The following NRG3 variants were observed in gnomAD, a reference collection of about 807,000 sequenced individuals.
NRG3 encodes the protein pro-neuregulin-3, membrane-bound isoform.
A neutral mutation model predicts 66.9 loss-of-function variants in NRG3; 31 were observed. That is an observed-to-expected ratio of 0.46 (90% CI 0.35 to 0.63). NRG3 has a LOEUF of 0.63. NRG3 is among the 20% of genes least tolerant of loss of function. The probability of loss-of-function intolerance (pLI) is 0.00; values close to 1 mark genes in which losing one functional copy is unlikely to be tolerated. For missense variants in NRG3, 910 were observed against 878.9 expected, an observed-to-expected ratio of 1.04 and a Z score of -0.45; for synonymous variants, 393 against 359.4, an observed-to-expected ratio of 1.09 and a Z score of -1.06.
chr10:82,792,932 C>T (rs573158897), intron 3 of NRG3, among the ~76,000 whole-genome samples: 127 of 152,132 alleles, frequency 8.3e-4, no homozygotes, highest in South Asian at 6.2e-3. Context: ...CCGCCCACCT[C>T]GGCGTCCCAA....
intron 4 of NRG3, among the ~76,000 whole-genome samples, chr10:82,917,950 TTG>T (rs375123841): frequency 0.019 from 2,270 of 121,676 alleles, 80 homozygotes; most frequent in African/African-American, 0.068. Context: ...GTATGTGGGA[TTG>T]TGTGTGTGTG....
intron 1 of NRG3, among the ~76,000 whole-genome samples, chr10:82,278,440 C>T (rs149106052): frequency 6.6e-6 from 1 of 152,160 alleles, no homozygotes; most frequent in Non-Finnish European, 1.5e-5. Context: ...TACCTGGTAG[C>T]TGATTCCTGA....
chr10:82,251,892 T>A (rs910042645), intron 1 of NRG3, among the ~76,000 whole-genome samples: 1 of 151,758 alleles, frequency 6.6e-6, no homozygotes, highest in African/African-American at 2.4e-5. Flanking sequence ...CTGGCAGAGG[T>A]AAGGAGGACT....
chr10:82,620,381 G>A lies in NRG3; in HGVS notation c.954-118196G>A, dbSNP rs1039909172. 1.6e-4 allele frequency among the ~76,000 whole-genome samples: 25 copies of A among 152,250 alleles called. No individual in the cohort carries two copies. The East Asian group carries it at 3.5e-3, about 21-fold the overall frequency. On this transcript the variant is annotated intron_variant, in intron 2 of 8. Transcript: ENST00000372141. ...ATGGAGGTAGATAATTTTATTCAGC[G>A]AAGGAAATGGCTCTCGGCAGAGAGG... is the stretch of plus-strand genomic sequence containing the variant.
chr10:81,894,375 A>G (rs1229693852), intron 1 of NRG3, among the ~76,000 whole-genome samples: 3 of 152,190 alleles, frequency 2.0e-5, no homozygotes, highest in Admixed American at 1.3e-4. Flanking sequence ...TTTATTTTCT[A>G]ACATTTCTGG....
intron 2 of NRG3, among the ~76,000 whole-genome samples, chr10:82,688,327 C>T (rs2054667703): frequency 6.6e-6 from 1 of 152,164 alleles, no homozygotes; most frequent in Non-Finnish European, 1.5e-5. Flanking sequence ...TAAAGATTCT[C>T]ATATGCCTGA....
chr10:82,081,456 G>T (rs953284248), intron 1 of NRG3, among the ~76,000 whole-genome samples: 1 of 151,936 alleles, frequency 6.6e-6, no homozygotes, highest in African/African-American at 2.4e-5. Flanking sequence ...AAGTTACCTT[G>T]TTTCTTTAAC....
Position 82,323,349 on chromosome 10 carries a change from T to G in NRG3, c.824-35390T>G, listed in dbSNP as rs570865118. On this transcript the variant is annotated intron_variant, in intron 1 of 8. Transcript: ENST00000372141. The stretch of plus-strand genomic sequence containing the variant: ...ACAGTGTATGCTGGGACCTCAATAG[T>G]GTCAGCCAGGGTGGGGCTTAGTCAT... 9.2e-5 allele frequency among the ~76,000 whole-genome samples: 14 copies of G among 152,322 alleles called. No homozygotes were observed. The East Asian group carries it at 2.7e-3, about 29-fold the overall frequency.
intron 3 of NRG3, among the ~76,000 whole-genome samples, chr10:82,778,489 C>T (rs1452342116): frequency 6.6e-6 from 1 of 152,096 alleles, no homozygotes; most frequent in African/African-American, 2.4e-5. Flanking sequence ...ATGCCAGAAG[C>T]TTATAAAACC....
At chr10:82,420,092 C>G (rs547646519) in intron 2 of NRG3, among the ~76,000 whole-genome samples, 1 of 152,140 alleles carries the variant, frequency 6.6e-6, no homozygotes, top group Non-Finnish European at 1.5e-5. Context: ...CCTGAAGGAC[C>G]TGGTAGAGTA....
At chr10:82,108,980 A>AT (rs1184941627) in intron 1 of NRG3, among the ~76,000 whole-genome samples, 1 of 152,162 alleles carries the variant, frequency 6.6e-6, no homozygotes, top group Non-Finnish European at 1.5e-5. Flanking sequence ...TCTCTGGGCC[A>AT]TTACCCTTCA....
intron 2 of NRG3, among the ~76,000 whole-genome samples, chr10:82,432,241 C>T (rs1036322097): frequency 2.6e-5 from 4 of 152,022 alleles, no homozygotes; most frequent in African/African-American, 7.2e-5. Flanking sequence ...TATTTGTACC[C>T]ATTAATCAAC....
At chr10:82,828,608 A>G (rs757033091) in intron 3 of NRG3, among the ~76,000 whole-genome samples, 6 of 152,344 alleles carry the variant, frequency 3.9e-5, no homozygotes, top group Admixed American at 1.3e-4. Flanking sequence ...AAGAATGGAA[A>G]TATTCTGATT....
chr10:82,028,840 A>C (rs1211788637), intron 1 of NRG3, among the ~76,000 whole-genome samples: 2 of 152,102 alleles, frequency 1.3e-5, no homozygotes, highest in Non-Finnish European at 2.9e-5. Context: ...ATTTATGTGG[A>C]GCTCACTCAC....
At chr10:82,926,860 T>C (rs1847053420) in intron 4 of NRG3, among the ~76,000 whole-genome samples, 1 of 152,238 alleles carries the variant, frequency 6.6e-6, no homozygotes, top group African/African-American at 2.4e-5. Flanking sequence ...AGATCTGCCT[T>C]TGGATTGGAC....
At chr10:81,979,016 C>G (rs951993575) in intron 1 of NRG3, among the ~76,000 whole-genome samples, 1 of 151,982 alleles carries the variant, frequency 6.6e-6, no homozygotes, top group Admixed American at 6.5e-5. Context: ...TGATGAAACC[C>G]CGTCTCTATT....
intron 1 of NRG3, among the ~76,000 whole-genome samples, chr10:82,272,532 C>T (rs1237382574): frequency 6.6e-6 from 1 of 151,990 alleles, no homozygotes; most frequent in Non-Finnish European, 1.5e-5. Context: ...AATTTGGTGG[C>T]TATTTATGTA....
chr10:82,275,757 AT>A (rs1423871716), intron 1 of NRG3, among the ~76,000 whole-genome samples: 2 of 152,044 alleles, frequency 1.3e-5, no homozygotes, highest in Non-Finnish European at 2.9e-5. Flanking sequence ...TAAAGATATA[AT>A]TGGAGTAAGT....
chr10:82,375,716 C>T (rs1225180070), intron 2 of NRG3, among the ~76,000 whole-genome samples: 1 of 152,066 alleles, frequency 6.6e-6, no homozygotes, highest in Non-Finnish European at 1.5e-5. Context: ...CAGGGTGACC[C>T]TTGGTAATAT....
Sources: allele counts gnomAD v4.1 joint callset (sites outside exome capture counted in the v4.1 genomes callset), GRCh38; gene constraint gnomAD v4.1.1; transcripts MANE v1.5; gene names NCBI Gene and HGNC (gene_info 2026-07-23, HGNC 2026-07-21).